SH3PXD2B: variants seen among roughly 807,000 people sequenced by gnomAD.
SH3PXD2B encodes the protein SH3 and PX domain-containing protein 2B.
SH3PXD2B carries 37 observed loss-of-function variants against 73.1 expected under a neutral mutation model. The ratio of observed to expected loss-of-function variants is 0.51; its 90% confidence interval spans 0.39 to 0.67. The LOEUF (loss-of-function observed/expected upper bound fraction) is 0.67. Among genes scored for constraint, SH3PXD2B ranks in the 30% least tolerant of loss-of-function variants. The pLI, the probability that SH3PXD2B is intolerant of heterozygous loss-of-function variation, is 0.00. For synonymous variants in SH3PXD2B, 457 were observed against 480.5 expected, an observed-to-expected ratio of 0.95 and a Z score of 0.64; for missense variants, 1,053 against 1,197.8, an observed-to-expected ratio of 0.88 and a Z score of 1.78.
At chr5:172,419,182 C>T (rs1758894325) in intron 2 of SH3PXD2B, among the ~76,000 whole-genome samples, 1 of 152,326 alleles carries the variant, frequency 6.6e-6, no homozygotes, top group African/African-American at 2.4e-5. Flanking sequence ...GTCTGTCTGA[C>T]TGAAAGCCAA....
chr5:172,334,793 C>T lies in SH3PXD2B; in HGVS notation c.*3576G>A. 1.0e-6 allele frequency: 1 copy of T among 985,488 alleles called. No homozygotes were observed. The allele number at this position is 985,488 out of a possible 1,614,324, so 61.0% of individuals were successfully genotyped here. A position where few individuals can be genotyped will look rare whatever the true frequency, so the allele number is the denominator to read the frequency against. ...CCACTCCTCAGCCTAAGGTCCTTCTCAAGTCCTGGCACACTCAGCACTTGC... is the reference window on the plus strand; with the variant it reads ...CCACTCCTCAGCCTAAGGTCCTTCTTAAGTCCTGGCACACTCAGCACTTGC... On this transcript the variant is annotated 3_prime_UTR_variant, in exon 13 of 13. Coordinates refer to ENST00000311601, the MANE Select transcript of SH3PXD2B (RefSeq NM_001017995.3).
At chr5:172,364,215 T>A (rs1043428240) in intron 6 of SH3PXD2B, among the ~76,000 whole-genome samples, 1 of 152,078 alleles carries the variant, frequency 6.6e-6, no homozygotes. Flanking sequence ...GCTGGGTGAC[T>A]TTTAGAGCAG....
intron 10 of SH3PXD2B, among the ~76,000 whole-genome samples, chr5:172,349,272 G>A (rs1180812014): frequency 6.6e-6 from 1 of 152,200 alleles, no homozygotes. Flanking sequence ...CCCCGCCAGG[G>A]GCAGTGGCCT....
intron 4 of SH3PXD2B, among the ~76,000 whole-genome samples, chr5:172,388,671 A>G (rs1758106865): frequency 6.6e-6 from 1 of 152,236 alleles, no homozygotes; most frequent in Non-Finnish European, 1.5e-5. Flanking sequence ...CCTGGGTGCA[A>G]GGAAAGTCTG....
intron 2 of SH3PXD2B, among the ~76,000 whole-genome samples, chr5:172,413,352 C>T (rs1013888516): frequency 1.6e-4 from 24 of 152,228 alleles, no homozygotes; most frequent in African/African-American, 5.8e-4. Context: ...GGACGTGCTG[C>T]ACGGAGGCTG....
intron 2 of SH3PXD2B, among the ~76,000 whole-genome samples, chr5:172,409,588 G>A (rs1220112498): frequency 3.3e-5 from 5 of 152,074 alleles, no homozygotes; most frequent in Admixed American, 3.3e-4. Context: ...TATGTTCCTG[G>A]CTTATTTCAC....
At chr5:172,402,313 A>C (rs1758436126) in intron 3 of SH3PXD2B, among the ~76,000 whole-genome samples, 1 of 152,192 alleles carries the variant, frequency 6.6e-6, no homozygotes, top group Non-Finnish European at 1.5e-5. Context: ...GTCTCCTGAT[A>C]AGGTGTTATC....
chr5:172,392,825 C>T (rs1758220712), intron 4 of SH3PXD2B, among the ~76,000 whole-genome samples: 1 of 152,108 alleles, frequency 6.6e-6, no homozygotes, highest in Admixed American at 6.5e-5. Context: ...AAAAACTATC[C>T]TTTTGCCAGT....
rs1554087275 is a variant in SH3PXD2B, at chr5:172,434,784, T to TTTTTTTTGTTTTTTG, written c.76-12289_76-12288insCAAAAAACAAAAAAA. On this transcript the variant is annotated intron_variant, in intron 1 of 12. Transcript: ENST00000311601. ...GTCCTGGGATGCAATGGCCAATGGTTTTTTTTTTTTTTTTTTTCAGACAGA... is the reference window on the plus strand; with the variant it reads ...GTCCTGGGATGCAATGGCCAATGGTTTTTTTTTGTTTTTTGTTTTTTTTTTTTTTTTTCAGACAGA... Among the ~76,000 whole-genome samples the TTTTTTTTGTTTTTTG allele has an allele frequency of 2.3e-3, 146 of 63,530 alleles. 1 individual carries two copies. The highest frequency in any genetic ancestry group is 5.8e-3 in the African/African-American group (125 of 21,662). 41.7% of individuals were successfully genotyped at this position (63,530 alleles called of 152,430 possible).
chr5:172,355,755 G>A lies in SH3PXD2B; in HGVS notation c.668-1750C>T, dbSNP rs146905440. On this transcript the variant is annotated intron_variant, in intron 8 of 12. Transcript: ENST00000311601. ...GAGACGGGGTTTCACCGTGTTAGCCGGGATGGTCTCGATCTCCTGACCTCG... is the reference window on the plus strand; with the variant it reads ...GAGACGGGGTTTCACCGTGTTAGCCAGGATGGTCTCGATCTCCTGACCTCG... Among the ~76,000 whole-genome samples the A allele has an allele frequency of 9.5e-3, 1,442 of 151,934 alleles. 13 individuals are homozygous for A. Among genetic ancestry groups the A allele is most frequent in the African/African-American group, 0.026 (1,069 of 41,432 alleles).
At chr5:172,351,572 A>C (rs1347968923) in intron 9 of SH3PXD2B, among the ~76,000 whole-genome samples, 1 of 152,132 alleles carries the variant, frequency 6.6e-6, no homozygotes, top group Non-Finnish European at 1.5e-5. Context: ...CTTGAAATTG[A>C]CCATGGTGGC....
downstream of SH3PXD2B, among the ~76,000 whole-genome samples, chr5:172,330,246 C>T (rs1308164234): frequency 6.6e-6 from 1 of 152,066 alleles, no homozygotes; most frequent in Non-Finnish European, 1.5e-5. Context: ...ATGGGAAAAT[C>T]CTTACAGACA....
At position 172,337,060 on chromosome 5, in the gene SH3PXD2B, C is replaced by T. The variant is rs1165592718; in HGVS notation, c.*1309G>A. The T allele has an allele frequency of 7.1e-6, 7 of 984,598 alleles. No individual in the cohort carries two copies. The highest frequency in any genetic ancestry group is 1.8e-5 in the African/African-American group (1 of 56,842). 61.0% of individuals were successfully genotyped at this position (984,598 alleles called of 1,614,324 possible). ...CGAGGCCACCTCAGCTCCCGTTGCT[C>T]CATAAGCTCTATTCCCCAGGGGGCA... On this transcript the variant is annotated 3_prime_UTR_variant, in exon 13 of 13. Coordinates refer to ENST00000311601, the MANE Select transcript of SH3PXD2B (RefSeq NM_001017995.3).
In SH3PXD2B at chr5:172,334,616, T is replaced by A. The variant is rs1231023706; in HGVS notation, c.*3753A>T. ...CAAGGGGGCAGCTTAAGCCAACATG[T>A]AAGACTTGGGCACGATGAAAGGACG... On this transcript the variant is annotated 3_prime_UTR_variant, in exon 13 of 13. Transcript: ENST00000311601. 1 of 985,380 alleles carries A rather than the reference T, an allele frequency of 1.0e-6. No homozygotes were observed. Among genetic ancestry groups the A allele is most frequent in the Non-Finnish European group, 1.2e-6 (1 of 829,966 alleles). The allele number at this position is 985,380 out of a possible 1,614,324, so 61.0% of individuals were successfully genotyped here. A position where few individuals can be genotyped will look rare whatever the true frequency, so the allele number is the denominator to read the frequency against.
At chr5:172,350,281 G>A (rs1415858520) in intron 10 of SH3PXD2B, 82 bp downstream of exon 10, 3 of 1,389,632 alleles carry the variant, frequency 2.2e-6, no homozygotes, top group Non-Finnish European at 3.0e-6. Context: ...CTGTGAGGAT[G>A]AGGGACGATG....
At chr5:172,344,090 T>TATCATC (rs56962923) in intron 12 of SH3PXD2B, among the ~76,000 whole-genome samples, 118 of 151,632 alleles carry the variant, frequency 7.8e-4, no homozygotes, top group African/African-American at 2.6e-3. Context: ...GAGGTGCCTA[T>TATCATC]ATCATCATCA....
rs775217258 is a variant in SH3PXD2B at position 172,422,498 on chromosome 5, T to G, written c.76-2A>C. 1 of 1,610,942 alleles carries G rather than the reference T, an allele frequency of 6.2e-7. No individual in the cohort carries two copies. Among genetic ancestry groups the G allele is most frequent in the East Asian group, 2.2e-5 (1 of 44,846 alleles). ...CCACGTGACCCGGATGATGTAGACC[T>G]GCGGGAGCAACAGAGGAGATGGGTG... is the stretch of plus-strand genomic sequence containing the variant. On this transcript the variant is annotated splice_acceptor_variant, in intron 1 of 12. Coordinates refer to ENST00000311601, the MANE Select transcript of SH3PXD2B (RefSeq NM_001017995.3). LOFTEE classifies it high-confidence loss of function.
At chr5:172,325,463 T>C in intron 12 of SH3PXD2B, 2 of 900,016 alleles carry the variant, frequency 2.2e-6, no homozygotes, top group Non-Finnish European at 1.7e-6. Flanking sequence ...CTTTGTCTGT[T>C]TGTCTATAAC....
At chr5:172,330,481 G>C (rs1581253034), downstream of SH3PXD2B, among the ~76,000 whole-genome samples, 1 of 152,180 alleles carries the variant, frequency 6.6e-6, no homozygotes, top group African/African-American at 2.4e-5. Flanking sequence ...TGGTATCACA[G>C]TCAAATACAT....
Sources: gnomAD v4.1 joint callset for allele counts (sites outside exome capture counted in the v4.1 genomes callset) on GRCh38, gnomAD v4.1.1 for gene constraint, MANE v1.5 for transcripts, NCBI Gene and HGNC (gene_info 2026-07-23, HGNC 2026-07-21) for gene names.